Variants in TXNDC9 observed in about 807,000 individuals in gnomAD.
TXNDC9 encodes thioredoxin domain containing 9, also known as thioredoxin domain-containing protein 9.
Under a neutral mutation model 23.0 loss-of-function variants are expected in TXNDC9, and 7 were observed. The observed-to-expected ratio is 0.30, with a 90% CI of 0.17 to 0.57. The LOEUF (loss-of-function observed/expected upper bound fraction) is 0.57. Among genes scored for constraint, TXNDC9 ranks in the 20% least tolerant of loss-of-function variants. The pLI, the probability that TXNDC9 is intolerant of heterozygous loss-of-function variation, is 0.90. For synonymous variants in TXNDC9, 72 were observed against 90.6 expected (o/e 0.79, Z 1.17); for missense variants, 198 against 252.6 (o/e 0.78, Z 1.47).
At chr2:99,312,420 C>T in the TXNDC9 span, among the ~76,000 whole-genome samples, 1 of 151,374 alleles carries the variant, frequency 6.6e-6, no homozygotes, top group Non-Finnish European at 1.5e-5. Flanking sequence ...TTGCTCGAAC[C>T]CGGGAGGTGG....
At chr2:99,332,868 T>A in intron 2 of TXNDC9, 154 bp downstream of exon 2, 1 of 637,278 alleles carries the variant, frequency 1.6e-6, no homozygotes, top group Non-Finnish European at 2.7e-6. Flanking sequence ...TAAAACATAT[T>A]TTTTTCTGGG....
chr2:99,314,001 GT>G (rs2094182943), downstream of TXNDC9, among the ~76,000 whole-genome samples: 1 of 151,978 alleles, frequency 6.6e-6, no homozygotes, highest in Admixed American at 6.6e-5. Context: ...TATATGATTT[GT>G]TTTGGGGCCA....
At chr2:99,313,918 C>CA in the TXNDC9 span, among the ~76,000 whole-genome samples, 1 of 152,274 alleles carries the variant, frequency 6.6e-6, no homozygotes, top group East Asian at 1.9e-4. Flanking sequence ...ACAATAGTAA[C>CA]AATACATCAT....
chr2:99,315,062 ATT>A (rs748634802), downstream of TXNDC9, among the ~76,000 whole-genome samples: 34 of 107,906 alleles, frequency 3.2e-4, no homozygotes, highest in Admixed American at 2.8e-4. Flanking sequence ...CGCCTGGTTA[ATT>A]TTTTTTTTTT....
chr2:99,308,229 T>C, the TXNDC9 span, among the ~76,000 whole-genome samples: 30 of 152,036 alleles, frequency 2.0e-4, 1 homozygote, highest in Admixed American at 1.9e-3. Context: ...ACAGTGTCTC[T>C]ATGCAGGGAA....
At chr2:99,321,129 A>G (rs2094200708) in intron 4 of TXNDC9, 1 of 152,104 alleles carries the variant, frequency 6.6e-6, no homozygotes, top group Non-Finnish European at 1.5e-5. Context: ...TATTAAGGAA[A>G]TGAAACCAAT....
At chr2:99,331,936 G>C (rs1056471864) in intron 2 of TXNDC9, among the ~76,000 whole-genome samples, 2 of 152,030 alleles carry the variant, frequency 1.3e-5, no homozygotes, top group Non-Finnish European at 2.9e-5. Flanking sequence ...CACCATGTTG[G>C]CCAGGCTGGT....
intron 1 of TXNDC9, 88 bp from the exon 2 acceptor site, chr2:99,333,330 T>A: frequency 9.3e-7 from 1 of 1,080,158 alleles, no homozygotes; most frequent in Non-Finnish European, 1.3e-6. Context: ...CTGGCAAGTG[T>A]ATAATGTGTA....
intron 2 of TXNDC9, among the ~76,000 whole-genome samples, chr2:99,328,688 T>C (rs1411978669): frequency 6.6e-6 from 1 of 151,982 alleles, no homozygotes; most frequent in Non-Finnish European, 1.5e-5. Context: ...AAAATAATGC[T>C]CATGAGGCTG....
chr2:99,329,245 A>G (rs748550902), intron 2 of TXNDC9, among the ~76,000 whole-genome samples: 27 of 152,342 alleles, frequency 1.8e-4, no homozygotes, highest in Middle Eastern at 3.4e-3. Flanking sequence ...GGGCCCTTCA[A>G]ACATCACATA....
In TXNDC9 at chr2:99,319,656, G is replaced by A; in HGVS notation, c.*26C>T. The A allele has an allele frequency of 1.3e-6, 2 of 1,492,488 alleles. No homozygotes were observed. Among genetic ancestry groups the A allele is most frequent in the Non-Finnish European group, 9.1e-7 (1 of 1,094,102 alleles). The allele number at this position is 1,492,488 out of a possible 1,614,324, so 92.5% of individuals were successfully genotyped here. On this transcript the variant is annotated 3_prime_UTR_variant, in exon 5 of 5. Coordinates refer to ENST00000264255, the MANE Select transcript of TXNDC9 (RefSeq NM_005783.4). ...TTTAAATCTGAAGCAGAAAAAAAAA[G>A]ACAATTTACAAAGAATTATTGAGCT... is the stretch of plus-strand genomic sequence containing the variant.
chr2:99,320,816 A>C (rs554751570), intron 4 of TXNDC9, among the ~76,000 whole-genome samples: 7 of 152,230 alleles, frequency 4.6e-5, no homozygotes, highest in Non-Finnish European at 4.4e-5. Context: ...AAAGACAATG[A>C]TAAAACAAAT....
the TXNDC9 span, among the ~76,000 whole-genome samples, chr2:99,311,563 G>A: frequency 3.3e-5 from 5 of 152,276 alleles, no homozygotes; most frequent in African/African-American, 9.6e-5. Flanking sequence ...TCCCAAAGAC[G>A]AGATTACAGG....
downstream of TXNDC9, among the ~76,000 whole-genome samples, chr2:99,316,621 G>A (rs2094189569): frequency 1.3e-5 from 2 of 151,834 alleles, no homozygotes; most frequent in South Asian, 4.2e-4. Context: ...TTGATTTTCA[G>A]GCATCATTTC....
the TXNDC9 span, among the ~76,000 whole-genome samples, chr2:99,312,080 G>A: frequency 6.6e-6 from 1 of 152,120 alleles, no homozygotes; most frequent in Non-Finnish European, 1.5e-5. Flanking sequence ...AGGGATGGAA[G>A]ACCCTGGCAG....
chr2:99,335,500 T>C (rs749556169), intron 1 of TXNDC9, among the ~76,000 whole-genome samples: 15 of 152,128 alleles, frequency 9.9e-5, no homozygotes, highest in East Asian at 3.8e-4. Flanking sequence ...AAAAACCAAA[T>C]TGTAAGCTCC....
At chr2:99,310,234 T>C in the TXNDC9 span, among the ~76,000 whole-genome samples, 7 of 152,192 alleles carry the variant, frequency 4.6e-5, no homozygotes, top group Non-Finnish European at 1.0e-4. Flanking sequence ...GCCAGGTACA[T>C]GTGTAGAAAT....
downstream of TXNDC9, among the ~76,000 whole-genome samples, chr2:99,316,877 C>CT (rs2094190250): frequency 6.6e-6 from 1 of 152,198 alleles, no homozygotes; most frequent in East Asian, 1.9e-4. Context: ...CTGCCTCAGC[C>CT]TCCCCAGTAG....
chr2:99,326,496 T>C (rs1408372737), intron 3 of TXNDC9, among the ~76,000 whole-genome samples: 1 of 152,244 alleles, frequency 6.6e-6, no homozygotes. Context: ...GCAAGTTTTC[T>C]GATTTTTTAA....
Sources: allele counts gnomAD v4.1 joint callset (sites outside exome capture counted in the v4.1 genomes callset), GRCh38; gene constraint gnomAD v4.1.1; transcripts MANE v1.5; gene names NCBI Gene and HGNC (gene_info 2026-07-23, HGNC 2026-07-21).